SORCS1: variants seen among roughly 807,000 people sequenced by gnomAD.
SORCS1 encodes VPS10 domain-containing receptor SorCS1.
In SORCS1, 60 loss-of-function variants were observed where a neutral mutation model predicts 146.1. That is an observed-to-expected ratio of 0.41 (90% CI 0.33 to 0.51). The LOEUF (loss-of-function observed/expected upper bound fraction) is 0.51, where lower values mean the gene tolerates loss of function less well. Ranked by LOEUF, SORCS1 falls within the 20% of genes least tolerant of loss-of-function variation. The pLI is 0.21. For missense variants in SORCS1, 1,352 were observed against 1,487.6 expected (o/e 0.91, Z 1.50); for synonymous variants, 637 against 584.0 (o/e 1.09, Z -1.31).
intron 1 of SORCS1, among the ~76,000 whole-genome samples, chr10:107,037,143 A>G (rs1034661759): frequency 3.3e-5 from 5 of 152,134 alleles, no homozygotes; most frequent in Non-Finnish European, 7.4e-5. Flanking sequence ...CTACTCAAGA[A>G]GCTGAGGAGG....
intron 3 of SORCS1, among the ~76,000 whole-genome samples, chr10:106,791,147 A>G (rs1946300871): frequency 6.6e-6 from 1 of 152,214 alleles, no homozygotes; most frequent in East Asian, 1.9e-4. Flanking sequence ...GTCGTGTGAC[A>G]CTTCCTGCTT....
At chr10:106,971,379 T>TA (rs1955780181) in intron 1 of SORCS1, among the ~76,000 whole-genome samples, 1 of 152,222 alleles carries the variant, frequency 6.6e-6, no homozygotes, top group African/African-American at 2.4e-5. Context: ...ACTGTGGTTA[T>TA]ATTGATGATG....
intron 3 of SORCS1, among the ~76,000 whole-genome samples, chr10:106,824,721 A>C (rs1035586297): frequency 1.3e-5 from 2 of 152,204 alleles, no homozygotes; most frequent in African/African-American, 4.8e-5. Context: ...TGCCACATAT[A>C]ATAGGGTAAT....
intron 1 of SORCS1, among the ~76,000 whole-genome samples, chr10:107,029,213 T>C (rs539569367): frequency 5.9e-5 from 9 of 152,330 alleles, no homozygotes; most frequent in African/African-American, 2.2e-4. Flanking sequence ...TATGTTTGTT[T>C]TTATAAGAGG....
intron 3 of SORCS1, among the ~76,000 whole-genome samples, chr10:106,794,501 CTTTTT>C (rs35647552): frequency 7.9e-6 from 1 of 126,068 alleles, no homozygotes; most frequent in Non-Finnish European, 1.7e-5. Flanking sequence ...TTTTCTTTTT[CTTTTT>C]TTTTTTTTTT....
chr10:106,955,582 G>A (rs1384046135), intron 2 of SORCS1, among the ~76,000 whole-genome samples: 1 of 152,240 alleles, frequency 6.6e-6, no homozygotes, highest in Non-Finnish European at 1.5e-5. Flanking sequence ...CTCTATATGT[G>A]TGAAGCAATA....
chr10:107,154,361 G>C (rs1590258490), intron 1 of SORCS1, among the ~76,000 whole-genome samples: 1 of 152,110 alleles, frequency 6.6e-6, no homozygotes, highest in Non-Finnish European at 1.5e-5. Context: ...CAAAAACTCT[G>C]ACTTAATGGG....
chr10:106,686,591 G>A (rs1852861368), intron 10 of SORCS1, among the ~76,000 whole-genome samples: 1 of 152,268 alleles, frequency 6.6e-6, no homozygotes. Flanking sequence ...CGTAGAGTAG[G>A]TATTCAATAA....
chr10:106,698,520 C>G (rs536717049), intron 9 of SORCS1, among the ~76,000 whole-genome samples: 1 of 152,316 alleles, frequency 6.6e-6, no homozygotes, highest in Non-Finnish European at 1.5e-5. Flanking sequence ...TTCTTTCTAG[C>G]TAACTGTGCC....
chr10:106,856,888 C>T (rs915444995), intron 2 of SORCS1, among the ~76,000 whole-genome samples: 6 of 152,178 alleles, frequency 3.9e-5, no homozygotes, highest in East Asian at 3.9e-4. Context: ...CTTTCCAATT[C>T]GGGGGACAGC....
intron 3 of SORCS1, among the ~76,000 whole-genome samples, chr10:106,807,322 T>G (rs1269622338): frequency 1.3e-5 from 2 of 152,176 alleles, no homozygotes; most frequent in African/African-American, 4.8e-5. Context: ...AATGGTAAAC[T>G]GTCTTTTTTG....
chr10:106,792,525 T>C (rs561858734), intron 3 of SORCS1, among the ~76,000 whole-genome samples: 5 of 152,370 alleles, frequency 3.3e-5, no homozygotes, highest in Admixed American at 2.6e-4. Flanking sequence ...AAATTAGGCA[T>C]GGAGAGACAT....
chr10:106,643,781 T>C (rs773172268), intron 18 of SORCS1, among the ~76,000 whole-genome samples: 6 of 152,246 alleles, frequency 3.9e-5, no homozygotes, highest in Non-Finnish European at 8.8e-5. Context: ...CTTTATTACA[T>C]GGAAAGCAGA....
intron 2 of SORCS1, among the ~76,000 whole-genome samples, chr10:106,953,000 C>CTAA (rs957150479): frequency 2.0e-5 from 3 of 151,366 alleles, no homozygotes; most frequent in African/African-American, 7.3e-5. Context: ...ACTACTACTA[C>CTAA]TAATAATAAT....
At position 107,108,041 on chromosome 10, in the gene SORCS1, T is replaced by C. The variant is rs192015709; in HGVS notation, c.558+55928A>G. Among the ~76,000 whole-genome samples the C allele has an allele frequency of 1.3e-3, 203 of 152,204 alleles. 1 individual carries two copies. Among genetic ancestry groups the C allele is most frequent in the Admixed American group, 2.2e-3 (33 of 15,290 alleles). On this transcript the variant is annotated intron_variant, in intron 1 of 25. Coordinates refer to ENST00000263054, the MANE Select transcript of SORCS1 (RefSeq NM_052918.5). ...GAAATGCCTGCCTGAGTCCCCAGGG[T>C]AGGCTTGCCAAACTCAGCCCTACAG...
chr10:106,640,567 C>A (rs1849009594), intron 18 of SORCS1, among the ~76,000 whole-genome samples: 1 of 152,206 alleles, frequency 6.6e-6, no homozygotes, highest in African/African-American at 2.4e-5. Flanking sequence ...GCAGATACTA[C>A]TTCTGCCTAC....
chr10:107,131,134 T>C (rs895676038), intron 1 of SORCS1, among the ~76,000 whole-genome samples: 9 of 152,326 alleles, frequency 5.9e-5, no homozygotes, highest in African/African-American at 2.2e-4. Flanking sequence ...CTCTTTATAG[T>C]ACCTGTCCTT....
chr10:107,142,348 A>T (rs551221838), intron 1 of SORCS1, among the ~76,000 whole-genome samples: 1 of 152,338 alleles, frequency 6.6e-6, no homozygotes, highest in Non-Finnish European at 1.5e-5. Flanking sequence ...TGCAAGAAGC[A>T]GCTAAAACCA....
At chr10:106,615,425 T>G (rs1210316295) in intron 21 of SORCS1, among the ~76,000 whole-genome samples, 5 of 152,310 alleles carry the variant, frequency 3.3e-5, no homozygotes, top group Non-Finnish European at 7.4e-5. Context: ...CGTTTACAAA[T>G]CTTCCTGCTT....
Sources: gnomAD v4.1 joint callset for allele counts (sites outside exome capture counted in the v4.1 genomes callset) on GRCh38, gnomAD v4.1.1 for gene constraint, MANE v1.5 for transcripts, NCBI Gene and HGNC (gene_info 2026-07-23, HGNC 2026-07-21) for gene names.